Variants in MAP2K6 observed in about 807,000 individuals in gnomAD.
MAP2K6 encodes mitogen-activated protein kinase kinase 6, also known as dual specificity mitogen-activated protein kinase kinase 6.
Under a neutral mutation model 53.7 loss-of-function variants are expected in MAP2K6, and 16 were observed. That is an observed-to-expected ratio of 0.30 (90% confidence interval 0.20 to 0.45). The LOEUF (loss-of-function observed/expected upper bound fraction) is 0.45, where lower values mean the gene tolerates loss of function less well. Ranked by LOEUF, MAP2K6 falls within the 20% of genes least tolerant of loss-of-function variation. MAP2K6 has a pLI of 1.00. For synonymous variants in MAP2K6, 132 were observed against 143.1 expected (o/e 0.92, Z 0.55); for missense variants, 204 against 411.9 (o/e 0.50, Z 4.37).
intron 7 of MAP2K6, 154 bp downstream of exon 7, chr17:69,521,254 A>T (rs1232903157): frequency 1.8e-6 from 1 of 569,286 alleles, no homozygotes; most frequent in Non-Finnish European, 3.1e-6. Context: ...ATAGCAAACC[A>T]TATAAGTAGT....
intron 1 of MAP2K6, among the ~76,000 whole-genome samples, chr17:69,486,454 A>G (rs1205193222): frequency 1.3e-5 from 2 of 152,182 alleles, no homozygotes; most frequent in Non-Finnish European, 2.9e-5. Flanking sequence ...CAGATTTCAG[A>G]ATCTCAGTGA....
intron 1 of MAP2K6, among the ~76,000 whole-genome samples, chr17:69,500,863 G>A (rs543299671): frequency 6.6e-6 from 1 of 152,162 alleles, no homozygotes; most frequent in Non-Finnish European, 1.5e-5. Context: ...GTATATAAGA[G>A]CCAGTGGTTT....
intron 1 of MAP2K6, among the ~76,000 whole-genome samples, chr17:69,497,154 ACT>A (rs1908984872): frequency 6.6e-6 from 1 of 152,016 alleles, no homozygotes; most frequent in Admixed American, 6.6e-5. Flanking sequence ...TAGTGCTTAA[ACT>A]CTGTACATAG....
At chr17:69,498,959 G>T (rs1295050738) in intron 1 of MAP2K6, among the ~76,000 whole-genome samples, 1 of 152,150 alleles carries the variant, frequency 6.6e-6, no homozygotes, top group Non-Finnish European at 1.5e-5. Flanking sequence ...CTGGTTTGGA[G>T]CCAATCTGGT....
At chr17:69,473,377 A>G (rs1908042698) in intron 1 of MAP2K6, among the ~76,000 whole-genome samples, 1 of 152,242 alleles carries the variant, frequency 6.6e-6, no homozygotes, top group East Asian at 1.9e-4. Context: ...TCTTAATTTT[A>G]GGAGAAAATT....
rs905413923 is a variant in MAP2K6, at chr17:69,550,256, G to C, written c.*8503G>C. The C allele has an allele frequency of 6.6e-6, 1 of 152,160 alleles. No individual in the cohort carries two copies. The highest frequency in any genetic ancestry group is 1.5e-5 in the Non-Finnish European group (1 of 68,026). 9.4% of individuals were successfully genotyped at this position (152,160 alleles called of 1,614,324 possible). On this transcript the variant is annotated 3_prime_UTR_variant, in exon 12 of 12. Coordinates refer to ENST00000590474, the MANE Select transcript of MAP2K6 (RefSeq NM_002758.4). ...AATTTGATGGTTGAGAAAAAGGAAC[G>C]ATATGCCTAAAGCATTTTGAGAATA...
chr17:69,511,410 C>T (rs190753037), intron 2 of MAP2K6, among the ~76,000 whole-genome samples: 37 of 152,254 alleles, frequency 2.4e-4, no homozygotes, highest in African/African-American at 6.5e-4. Flanking sequence ...CCTTCTGCTG[C>T]GCTTCACAAA....
intron 1 of MAP2K6, among the ~76,000 whole-genome samples, chr17:69,479,039 G>A (rs1167619099): frequency 2.0e-5 from 3 of 152,106 alleles, no homozygotes; most frequent in Non-Finnish European, 4.4e-5. Context: ...TAGGTCTGAT[G>A]TGGCTGTGTT....
chr17:69,482,045 A>C (rs1483679642), intron 1 of MAP2K6, among the ~76,000 whole-genome samples: 3 of 152,144 alleles, frequency 2.0e-5, no homozygotes, highest in Non-Finnish European at 4.4e-5. Context: ...CCCCAGAAAA[A>C]GTTGACTTCA....
At chr17:69,531,235 A>G (rs1219452548) in intron 10 of MAP2K6, among the ~76,000 whole-genome samples, 1 of 152,182 alleles carries the variant, frequency 6.6e-6, no homozygotes, top group Non-Finnish European at 1.5e-5. Context: ...TATTGCCTAC[A>G]TCTGTCTTTG....
intron 1 of MAP2K6, among the ~76,000 whole-genome samples, chr17:69,440,374 A>G (rs371765497): frequency 3.9e-5 from 6 of 152,040 alleles, no homozygotes; most frequent in African/African-American, 1.2e-4. Context: ...GTACTTTCCA[A>G]TCAGTATGCC....
At chr17:69,485,945 A>T (rs1908517752) in intron 1 of MAP2K6, among the ~76,000 whole-genome samples, 1 of 152,126 alleles carries the variant, frequency 6.6e-6, no homozygotes, top group Non-Finnish European at 1.5e-5. Flanking sequence ...GTCTTTCTCA[A>T]TAGACTACAA....
chr17:69,449,609 CTTTTTTTTTTTTT>C (rs757595417), intron 1 of MAP2K6, among the ~76,000 whole-genome samples: 1 of 70,014 alleles, frequency 1.4e-5, no homozygotes, highest in Non-Finnish European at 2.8e-5. Context: ...CTTTCTCTCT[CTTTTTTTTTTTTT>C]TTTTTTTTTT....
At position 69,548,057 on chromosome 17, in the gene MAP2K6, G is replaced by A. The variant is rs899998971; in HGVS notation, c.*6304G>A. On this transcript the variant is annotated 3_prime_UTR_variant, in exon 12 of 12. Transcript: ENST00000590474. ...TATTTGTTCACATTTTAAGGAAGTA[G>A]GAAAGAGTAGTTTGAAGTCACAAAA... is the stretch of plus-strand genomic sequence containing the variant. 6.6e-5 allele frequency: 10 copies of A among 152,162 alleles called. No homozygotes were observed. Among genetic ancestry groups the A allele is most frequent in the African/African-American group, 2.4e-4 (10 of 41,436 alleles). The allele number at this position is 152,162 out of a possible 1,614,324, so 9.4% of individuals were successfully genotyped here.
chr17:69,476,012 T>C (rs1355408388), intron 1 of MAP2K6, among the ~76,000 whole-genome samples: 2 of 152,066 alleles, frequency 1.3e-5, no homozygotes, highest in Admixed American at 1.3e-4. Flanking sequence ...TATAATAAGG[T>C]TGAGCAAATG....
intron 2 of MAP2K6, among the ~76,000 whole-genome samples, chr17:69,516,306 A>G (rs1910139988): frequency 6.6e-6 from 1 of 151,920 alleles, no homozygotes; most frequent in Admixed American, 6.6e-5. Flanking sequence ...TATCCCTTGT[A>G]TACACAGTTC....
chr17:69,518,159 C>T (rs546568113), intron 4 of MAP2K6, among the ~76,000 whole-genome samples: 13 of 152,066 alleles, frequency 8.5e-5, no homozygotes, highest in East Asian at 3.9e-4. Flanking sequence ...CACTGCACTC[C>T]GGCCTGGACA....
chr17:69,433,347 A>C (rs1304464962), intron 1 of MAP2K6: 1 of 152,262 alleles, frequency 6.6e-6, no homozygotes, highest in African/African-American at 2.4e-5. Context: ...ATCTCAGTGC[A>C]TCTTGAAGCT....
intron 2 of MAP2K6, among the ~76,000 whole-genome samples, chr17:69,510,801 CTT>C (rs199517185): frequency 2.8e-5 from 4 of 144,846 alleles, no homozygotes; most frequent in African/African-American, 5.0e-5. Flanking sequence ...TTGTGACATC[CTT>C]TTTTTTTTTC....
Sources: gnomAD v4.1 joint callset for allele counts (sites outside exome capture counted in the v4.1 genomes callset) on GRCh38, gnomAD v4.1.1 for gene constraint, MANE v1.5 for transcripts, NCBI Gene and HGNC (gene_info 2026-07-23, HGNC 2026-07-21) for gene names.